Variants in NCOR1 observed in about 807,000 individuals in gnomAD.
The protein encoded by NCOR1 is nuclear receptor corepressor 1, also known as protein phosphatase 1, regulatory subunit 109.
A neutral mutation model predicts 288.1 loss-of-function variants in NCOR1; 63 were observed. The ratio of observed to expected loss-of-function variants is 0.22; its 90% CI spans 0.18 to 0.27. NCOR1 has a LOEUF of 0.27. Among genes scored for constraint, NCOR1 ranks in the 10% least tolerant of loss-of-function variants. The pLI, the probability that NCOR1 is intolerant of heterozygous loss-of-function variation, is 1.00. For missense variants in NCOR1, 2,397 were observed against 3,019.2 expected (o/e 0.79, Z 4.83); for synonymous variants, 1,007 against 1,065.9 (o/e 0.94, Z 1.08).
intron 4 of NCOR1, among the ~76,000 whole-genome samples, chr17:16,166,504 C>A (rs1363431279): frequency 6.6e-6 from 1 of 152,024 alleles, no homozygotes; most frequent in Non-Finnish European, 1.5e-5. Context: ...CATGGTGAAA[C>A]CCCGTCTCTA....
intron 2 of NCOR1, among the ~76,000 whole-genome samples, chr17:16,189,255 G>A (rs1476436142): frequency 6.6e-6 from 1 of 151,774 alleles, no homozygotes; most frequent in Non-Finnish European, 1.5e-5. Context: ...TTAGCCAGGC[G>A]TGGTGGCACA....
chr17:16,112,891 A>T (rs967989068), intron 18 of NCOR1, among the ~76,000 whole-genome samples: 5 of 152,102 alleles, frequency 3.3e-5, no homozygotes, highest in African/African-American at 7.2e-5. Flanking sequence ...TATTAAAAAC[A>T]ATATAAACTC....
At chr17:16,046,814 G>A (rs1457810242) in intron 42 of NCOR1, 137 bp downstream of exon 42, 3 of 1,000,866 alleles carry the variant, frequency 3.0e-6, no homozygotes, top group Non-Finnish European at 4.3e-6. Context: ...CACTTGAGAA[G>A]GAACTCTAGG....
intron 28 of NCOR1, 58 bp downstream of exon 28, chr17:16,073,371 C>A: frequency 2.1e-6 from 3 of 1,437,108 alleles, no homozygotes; most frequent in South Asian, 1.6e-5. Flanking sequence ...TTCAACAATG[C>A]AAAATTACTA....
At chr17:16,119,896 T>C (rs747547850) in intron 16 of NCOR1, among the ~76,000 whole-genome samples, 13 of 152,126 alleles carry the variant, frequency 8.5e-5, no homozygotes, top group Non-Finnish European at 1.8e-4. Flanking sequence ...CTAAAACTCC[T>C]GGAGCCCCTT....
chr17:16,137,669 T>C (rs964496122), intron 13 of NCOR1: 3 of 273,282 alleles, frequency 1.1e-5, no homozygotes, highest in African/African-American at 6.6e-5. Flanking sequence ...ATTCAAATAT[T>C]TTCTTATTAA....
intron 30 of NCOR1, 75 bp from the exon 31 acceptor site, chr17:16,070,600 C>T (rs2061635286): frequency 1.3e-6 from 2 of 1,545,192 alleles, no homozygotes; most frequent in Admixed American, 3.8e-5. Context: ...TATGTCTGGC[C>T]CATGGCAGTT....
chr17:16,042,372 T>C (rs995077832), intron 42 of NCOR1, among the ~76,000 whole-genome samples: 14 of 152,218 alleles, frequency 9.2e-5, no homozygotes, highest in African/African-American at 2.7e-4. Flanking sequence ...TGATCAAAAA[T>C]GGTCAGATGA....
chr17:16,182,116 T>C (rs2085609875), intron 3 of NCOR1, among the ~76,000 whole-genome samples: 2 of 152,158 alleles, frequency 1.3e-5, no homozygotes, highest in Non-Finnish European at 2.9e-5. Flanking sequence ...CAAAATTTAT[T>C]CCATTTCTAC....
intron 8 of NCOR1, among the ~76,000 whole-genome samples, chr17:16,151,104 T>G (rs1406317484): frequency 6.6e-6 from 1 of 151,696 alleles, no homozygotes; most frequent in African/African-American, 2.4e-5. Flanking sequence ...AGTAAATAAT[T>G]ATGTTCTGCT....
intron 44 of NCOR1, 68 bp from the exon 45 acceptor site, chr17:16,035,012 T>G: frequency 2.1e-6 from 3 of 1,449,820 alleles, no homozygotes; most frequent in Non-Finnish European, 2.8e-6. Context: ...ATGCTAATGA[T>G]TATATATTGC....
intron 42 of NCOR1, 36 bp downstream of exon 42, chr17:16,046,915 G>T (rs2058735815): frequency 1.9e-6 from 3 of 1,608,902 alleles, no homozygotes; most frequent in African/African-American, 2.7e-5. Context: ...ATTAATGCAT[G>T]TTTTATTTGG....
In NCOR1 at chr17:16,193,341, C is replaced by T. The variant is rs1225725826; in HGVS notation, c.108+1121G>A. 2.4e-4 allele frequency among the ~76,000 whole-genome samples: 37 copies of T among 152,062 alleles called. 1 individual carries two copies. Among genetic ancestry groups the T allele is most frequent in the Admixed American group, 2.4e-3 (37 of 15,258 alleles). The stretch of plus-strand genomic sequence containing the variant: ...TGCCTCCCAGGTTCAAGCGATTCTC[C>T]AGCCTCAGCCTCCCGAGTGGCTAGG... On this transcript the variant is annotated intron_variant, in intron 2 of 45. Transcript: ENST00000268712.
intron 21 of NCOR1, among the ~76,000 whole-genome samples, chr17:16,094,154 T>C (rs2065910083): frequency 6.6e-6 from 1 of 152,108 alleles, no homozygotes; most frequent in Admixed American, 6.5e-5. Context: ...TCCACCCACC[T>C]CGGCCTCCCA....
At chr17:16,194,366 TA>T in intron 2 of NCOR1, 95 bp downstream of exon 2, 1 of 662,258 alleles carries the variant, frequency 1.5e-6, no homozygotes, top group Non-Finnish European at 2.4e-6. Context: ...AAAAAAAAGA[TA>T]AATTTGGTGG....
rs551708584 is a variant in NCOR1, at chr17:16,106,366, G to T, written c.2182+2420C>A. Among the ~76,000 whole-genome samples, 169 of 151,948 alleles carry T rather than the reference G, an allele frequency of 1.1e-3. 1 individual carries two copies. The highest frequency in any genetic ancestry group is 3.9e-3 in the African/African-American group (161 of 41,462). The stretch of plus-strand genomic sequence containing the variant: ...CTTCTTCCAAGCCACAAAAGAGTAG[G>T]AAGGTTTCCAAGGCATAATGTTTCA... On this transcript the variant is annotated intron_variant, in intron 19 of 45. Coordinates refer to ENST00000268712, the MANE Select transcript of NCOR1 (RefSeq NM_006311.4).
intron 19 of NCOR1, among the ~76,000 whole-genome samples, chr17:16,107,083 G>A (rs1413592407): frequency 4.0e-5 from 6 of 151,146 alleles, no homozygotes; most frequent in Non-Finnish European, 7.4e-5. Context: ...TTTTAGTAGA[G>A]ACGGGGTTTC....
At chr17:16,064,455 T>C (rs1020187946) in intron 34 of NCOR1, among the ~76,000 whole-genome samples, 1 of 151,416 alleles carries the variant, frequency 6.6e-6, no homozygotes, top group Non-Finnish European at 1.5e-5. Flanking sequence ...CACAAAAAAT[T>C]AGCCAGGTGT....
At chr17:16,117,053 T>C (rs1598864323) in intron 18 of NCOR1, among the ~76,000 whole-genome samples, 1 of 152,242 alleles carries the variant, frequency 6.6e-6, no homozygotes, top group Admixed American at 6.5e-5. Context: ...AAAAGCTCTA[T>C]GGTCTTTGAC....
Sources: allele counts gnomAD v4.1 joint callset (sites outside exome capture counted in the v4.1 genomes callset), GRCh38; gene constraint gnomAD v4.1.1; transcripts MANE v1.5; gene names NCBI Gene and HGNC (gene_info 2026-07-23, HGNC 2026-07-21).